PTGFRN: variants seen among roughly 807,000 people sequenced by gnomAD.
The protein encoded by PTGFRN is prostaglandin F2 receptor inhibitor.
A neutral mutation model predicts 83.2 loss-of-function variants in PTGFRN; 35 were observed. The ratio of observed to expected loss-of-function variants is 0.42; its 90% CI spans 0.32 to 0.56. The LOEUF is 0.56. PTGFRN is among the 20% of genes least tolerant of loss of function. The pLI, the probability that PTGFRN is intolerant of heterozygous loss-of-function variation, is 0.11. For missense variants in PTGFRN, 1,051 were observed against 1,179.5 expected (o/e 0.89, Z 1.60); for synonymous variants, 519 against 498.6 (o/e 1.04, Z -0.55).
chr1:116,923,036 G>A lies in PTGFRN; in HGVS notation c.49+12784G>A, dbSNP rs1649575715. ...AGCCTGCGTCAGCTCTTGGTGATGG[G>A]CTGTCACTCAGCCACCTTCCTTGAG... On this transcript the variant is annotated intron_variant, in intron 1 of 8. Coordinates refer to ENST00000393203, the MANE Select transcript of PTGFRN (RefSeq NM_020440.4). This position sits in a 1 kb window ranked among gnomAD's most constrained non-coding sequence, Gnocchi z 4.0. Among the ~76,000 whole-genome samples the A allele has an allele frequency of 6.6e-6, 1 of 152,166 alleles. No homozygotes were observed. The highest frequency in any genetic ancestry group is 1.9e-4 in the East Asian group (1 of 5,194).
intron 1 of PTGFRN, among the ~76,000 whole-genome samples, chr1:116,930,001 C>T (rs990058825): frequency 6.6e-6 from 1 of 152,232 alleles, no homozygotes; most frequent in African/African-American, 2.4e-5. Flanking sequence ...GTTCATTTCT[C>T]TTTTCTCAGC....
intron 4 of PTGFRN, among the ~76,000 whole-genome samples, chr1:116,960,458 A>G (rs371471781): frequency 3.9e-5 from 6 of 152,190 alleles, no homozygotes; most frequent in African/African-American, 1.4e-4. Context: ...TTTTTCTCCC[A>G]GTGGAAACAG....
intron 3 of PTGFRN, among the ~76,000 whole-genome samples, chr1:116,946,187 G>T (rs1474866234): frequency 6.6e-6 from 1 of 152,190 alleles, no homozygotes; most frequent in East Asian, 1.9e-4. Flanking sequence ...AGATGGGAAG[G>T]AAAGCAGGAA....
intron 4 of PTGFRN, among the ~76,000 whole-genome samples, chr1:116,949,807 A>G (rs115446884): frequency 0.016 from 2,488 of 152,314 alleles, 68 homozygotes; most frequent in African/African-American, 0.057. Flanking sequence ...ATTTGAGAGT[A>G]TATAGTTTCC....
intron 7 of PTGFRN, among the ~76,000 whole-genome samples, chr1:116,974,756 G>A (rs1651096987): frequency 6.6e-6 from 1 of 152,208 alleles, no homozygotes; most frequent in Admixed American, 6.5e-5. Flanking sequence ...GTTCCAAGAT[G>A]GCCAAATAGG....
rs1481485854 is a variant in PTGFRN at position 116,989,761 on chromosome 1, C to T, written c.*2794C>T. 2 of 152,586 alleles carry T rather than the reference C, an allele frequency of 1.3e-5. No homozygotes were observed. Among genetic ancestry groups the T allele is most frequent in the African/African-American group, 4.8e-5 (2 of 41,428 alleles). The allele number at this position is 152,586 out of a possible 1,614,324, so 9.5% of individuals were successfully genotyped here. On this transcript the variant is annotated 3_prime_UTR_variant, in exon 9 of 9. Coordinates refer to ENST00000393203, the MANE Select transcript of PTGFRN (RefSeq NM_020440.4). The stretch of plus-strand genomic sequence containing the variant: ...ACAACTGTTGAGATGTTTCATGGGA[C>T]AGTAGAACTCTGACTCACCAACTGG...
At chr1:116,945,156 A>G in intron 3 of PTGFRN, 64 bp downstream of exon 3, 1 of 1,530,444 alleles carries the variant, frequency 6.5e-7, no homozygotes, top group East Asian at 2.3e-5. Context: ...GATACAAAGA[A>G]CCGGGCCAGG....
At chr1:116,953,479 C>T (rs1438164896) in intron 4 of PTGFRN, among the ~76,000 whole-genome samples, 1 of 151,982 alleles carries the variant, frequency 6.6e-6, no homozygotes, top group Non-Finnish European at 1.5e-5. Context: ...TGTCGATGAA[C>T]ATTTCCAAGT....
chr1:116,972,889 T>C (rs2101084156), intron 6 of PTGFRN, among the ~76,000 whole-genome samples: 1 of 152,354 alleles, frequency 6.6e-6, no homozygotes, highest in East Asian at 1.9e-4. Context: ...GGGAGGCATG[T>C]AAGACAAACC....
At position 116,911,944 on chromosome 1, in the gene PTGFRN, A is replaced by C. The variant is rs138991383; in HGVS notation, c.49+1692A>C. Among the ~76,000 whole-genome samples, 185 of 152,358 alleles carry C rather than the reference A, an allele frequency of 1.2e-3. 1 individual carries two copies. The highest frequency in any genetic ancestry group is 8.3e-3 in the South Asian group (40 of 4,826). Reference sequence around the variant, plus strand: ...GCAGGGCCATGGCCTAGGTTTGCACAGATGGTGCACTGTACAACTTCGGGA... The same window carrying C: ...GCAGGGCCATGGCCTAGGTTTGCACCGATGGTGCACTGTACAACTTCGGGA... On this transcript the variant is annotated intron_variant, in intron 1 of 8. Transcript: ENST00000393203.
chr1:116,949,132 G>C lies in PTGFRN; in HGVS notation c.833-60G>C, dbSNP rs1281460805. On this transcript the variant is annotated intron_variant, in intron 3 of 8. Coordinates refer to ENST00000393203, the MANE Select transcript of PTGFRN (RefSeq NM_020440.4). ...AAAAGGAGATGCTTTAAAGAGGGTG[G>C]AGAATAGAAGGGGCAAACATAATCA... 33 of 1,512,874 alleles carry C rather than the reference G, an allele frequency of 2.2e-5. No homozygotes were observed. The South Asian group carries it at 2.5e-4, about 12-fold the overall frequency. 93.7% of individuals were successfully genotyped at this position (1,512,874 alleles called of 1,614,324 possible).
At chr1:116,945,731 G>A (rs558942700) in intron 3 of PTGFRN, among the ~76,000 whole-genome samples, 3 of 148,446 alleles carry the variant, frequency 2.0e-5, no homozygotes, top group East Asian at 2.0e-4. Context: ...TTGTCCTGTC[G>A]TCTGTGAATC....
intron 7 of PTGFRN, among the ~76,000 whole-genome samples, chr1:116,975,148 G>C (rs1026241502): frequency 5.3e-5 from 8 of 152,182 alleles, no homozygotes; most frequent in Non-Finnish European, 1.2e-4. Flanking sequence ...GTCTGAGATC[G>C]AACTGCAAGG....
In PTGFRN at chr1:116,961,773, G is replaced by A. The variant is rs1650673818; in HGVS notation, c.1639+105G>A. 1 of 1,116,044 alleles carries A rather than the reference G, an allele frequency of 9.0e-7. No homozygotes were observed. Among genetic ancestry groups the A allele is most frequent in the African/African-American group, 1.6e-5 (1 of 63,336 alleles). The allele number at this position is 1,116,044 out of a possible 1,614,324, so 69.1% of individuals were successfully genotyped here. ...CTCTGCAGGTTATCACTTACACTAG[G>A]AATGTGTGTCCTGGACATTGATCGC... On this transcript the variant is annotated intron_variant, in intron 5 of 8. Coordinates refer to ENST00000393203, the MANE Select transcript of PTGFRN (RefSeq NM_020440.4). The surrounding 1 kb of genome is among the most constrained non-coding windows in gnomAD (Gnocchi z 5.4).
At chr1:116,913,249 G>A (rs1365236026) in intron 1 of PTGFRN, among the ~76,000 whole-genome samples, 1 of 152,202 alleles carries the variant, frequency 6.6e-6, no homozygotes, top group Non-Finnish European at 1.5e-5. Context: ...TTTTGCTGAA[G>A]AAGTGACATT....
In PTGFRN at chr1:116,972,079, C is replaced by A. The variant is rs891124919; in HGVS notation, c.2060-2137C>A. Among the ~76,000 whole-genome samples, 4 of 152,204 alleles carry A rather than the reference C, an allele frequency of 2.6e-5. No individual in the cohort carries two copies. The East Asian group carries it at 7.7e-4, about 29-fold the overall frequency. On this transcript the variant is annotated intron_variant, in intron 6 of 8. Coordinates refer to ENST00000393203, the MANE Select transcript of PTGFRN (RefSeq NM_020440.4). ...TGGCCGCCTATGGCATAAGTGTCCC[C>A]AGTCACCACACAGAGCCAACTCCAG...
chr1:116,910,171 G>A lies in PTGFRN; in HGVS notation c.-33G>A. ...AGGAGGAGAGGCGGCGGGGAAGGAGGAGGAGGGGGAGAGTCGCTCCCGCCG... is the reference window on the plus strand; with the variant it reads ...AGGAGGAGAGGCGGCGGGGAAGGAGAAGGAGGGGGAGAGTCGCTCCCGCCG... On this transcript the variant is annotated 5_prime_UTR_variant, in exon 1 of 9. Transcript: ENST00000393203. 2 of 1,510,460 alleles carry A rather than the reference G, an allele frequency of 1.3e-6. No homozygotes were observed. The highest frequency in any genetic ancestry group is 1.8e-6 in the Non-Finnish European group (2 of 1,135,592). 93.6% of individuals were successfully genotyped at this position (1,510,460 alleles called of 1,614,324 possible). A position where few individuals can be genotyped will look rare whatever the true frequency, so the allele number is the denominator to read the frequency against.
intron 1 of PTGFRN, among the ~76,000 whole-genome samples, chr1:116,935,922 G>A (rs1423563512): frequency 6.6e-6 from 1 of 152,108 alleles, no homozygotes; most frequent in African/African-American, 2.4e-5. Context: ...TCGTATGAAG[G>A]TTTCTTATAT....
chr1:116,961,813 C>T lies in PTGFRN; in HGVS notation c.1639+145C>T, dbSNP rs1650674590. The T allele has an allele frequency of 4.8e-6, 4 of 827,802 alleles. No homozygotes were observed. Among genetic ancestry groups the T allele is most frequent in the Non-Finnish European group, 7.4e-6 (4 of 542,592 alleles). 51.3% of individuals were successfully genotyped at this position (827,802 alleles called of 1,614,324 possible). A position where few individuals can be genotyped will look rare whatever the true frequency, so the allele number is the denominator to read the frequency against. ...ACATTGATCGCCATGCGACCCGTTG[C>T]ACATGCTCTTTGGACTCACTATCAC... is the stretch of plus-strand genomic sequence containing the variant. On this transcript the variant is annotated intron_variant, in intron 5 of 8. Coordinates refer to ENST00000393203, the MANE Select transcript of PTGFRN (RefSeq NM_020440.4). This position sits in a 1 kb window ranked among gnomAD's most constrained non-coding sequence, Gnocchi z 5.4.
Sources: allele counts gnomAD v4.1 joint callset (sites outside exome capture counted in the v4.1 genomes callset), GRCh38; gene constraint gnomAD v4.1.1; non-coding constraint Gnocchi (gnomAD v3.1); transcripts MANE v1.5; gene names NCBI Gene and HGNC (gene_info 2026-07-23, HGNC 2026-07-21).